Variants in DNAH12 observed in about 807,000 individuals in gnomAD.
The protein encoded by DNAH12 is axonemal beta dynein heavy chain 12.
Under a neutral mutation model 371.5 loss-of-function variants are expected in DNAH12, and 285 were observed. The observed-to-expected ratio is 0.77, with a 90% CI of 0.70 to 0.85. The LOEUF (loss-of-function observed/expected upper bound fraction) is 0.85, where lower values mean the gene tolerates loss of function less well. DNAH12 is among the 40% of genes least tolerant of loss of function. The pLI, the probability that DNAH12 is intolerant of heterozygous loss-of-function variation, is 0.00. For missense variants in DNAH12, 3,611 were observed against 3,689.4 expected, an observed-to-expected ratio of 0.98 and a Z score of 0.55; for synonymous variants, 1,200 against 1,213.0, an observed-to-expected ratio of 0.99 and a Z score of 0.22.
rs1322586725 is a variant in DNAH12 at position 57,544,280 on chromosome 3, G to A, written c.-117C>T. Reference sequence around the variant, plus strand: ...AGAGCCTCTCCTCAGGTGAAAGGCAGGGGGATAACGAGGGAGAAACCTCCG... The same window carrying A: ...AGAGCCTCTCCTCAGGTGAAAGGCAAGGGGATAACGAGGGAGAAACCTCCG... On this transcript the variant is annotated 5_prime_UTR_variant, in exon 1 of 74. Transcript: ENST00000495027. The A allele has an allele frequency of 1.3e-5, 2 of 152,226 alleles. No individual in the cohort carries two copies. The highest frequency in any genetic ancestry group is 4.8e-5 in the African/African-American group (2 of 41,462). 9.4% of individuals were successfully genotyped at this position (152,226 alleles called of 1,614,324 possible).
At chr3:57,332,139 A>G (rs1036232825) in intron 62 of DNAH12, among the ~76,000 whole-genome samples, 4 of 152,198 alleles carry the variant, frequency 2.6e-5, no homozygotes, top group African/African-American at 9.7e-5. Context: ...ATTTGTCATG[A>G]ATAATTTTTT....
chr3:57,318,925 G>T (rs115493822), intron 65 of DNAH12, among the ~76,000 whole-genome samples: 1,651 of 152,100 alleles, frequency 0.011, 24 homozygotes, highest in Middle Eastern at 0.02. Flanking sequence ...GATTTTGATA[G>T]GGATTGCTAA....
rs142763352 is a variant in DNAH12 at position 57,313,178 on chromosome 3, G to A, written c.10662+1316C>T. Among the ~76,000 whole-genome samples, 416 of 152,206 alleles carry A rather than the reference G, an allele frequency of 2.7e-3. 4 individuals are homozygous for A. The South Asian group carries it at 0.047, about 17-fold the overall frequency. ...GCTAAAGCCTACGCCTGTGACCTGG[G>A]CTTGGCTACTCAGATGCGTCCACCT... On this transcript the variant is annotated intron_variant, in intron 66 of 73. Transcript: ENST00000495027.
At chr3:57,369,342 TTAAA>T (rs1371469652) in intron 55 of DNAH12, among the ~76,000 whole-genome samples, 4 of 18,376 alleles carry the variant, frequency 2.2e-4, no homozygotes, top group Non-Finnish European at 4.6e-4. Flanking sequence ...TTATAAATAT[TTAAA>T]TAAATAAATA....
chr3:57,296,941 C>A lies in DNAH12; in HGVS notation c.11438G>T (p.Gly3813Val). 1.3e-6 allele frequency: 2 copies of A among 1,551,602 alleles called. No homozygotes were observed. Among genetic ancestry groups the A allele is most frequent in the Non-Finnish European group, 1.7e-6 (2 of 1,146,976 alleles). ...SGKPCVFWLS[G>V]FFFTQAFLTG... is the part of the protein sequence containing the mutation. ...TAAAAAGGCCTGAGTGAAAAAGAAACCTGACAGCCAAAACACACAAGGTTT... is the reference window on the plus strand; with the variant it reads ...TAAAAAGGCCTGAGTGAAAAAGAAAACTGACAGCCAAAACACACAAGGTTT... The change falls in exon 71 of 74, where the codon GGT (glycine) becomes GTT (valine). Residue 3813 changes from glycine (G) to valine (V), a missense_variant. This residue lies in a region of DNAH12 where 2,266 missense variants were observed against 2,236.9 expected (regional missense o/e 1.01). Coordinates refer to ENST00000495027, the MANE Select transcript of DNAH12 (RefSeq NM_001366028.2).
At chr3:57,382,517 T>G (rs1415443475) in intron 49 of DNAH12, 124 bp from the exon 50 acceptor site, 6 of 151,686 alleles carry the variant, frequency 4.0e-5, no homozygotes, top group African/African-American at 9.7e-5. Flanking sequence ...AATCAAAGTT[T>G]TTTTTTTTTC....
intron 55 of DNAH12, among the ~76,000 whole-genome samples, chr3:57,373,499 T>G (rs2063220217): frequency 7.3e-6 from 1 of 137,310 alleles, no homozygotes; most frequent in South Asian, 2.3e-4. Flanking sequence ...TTTTTTTTTG[T>G]ATTTTCAGTA....
rs1056605971 is a variant in DNAH12, at chr3:57,495,822, A to C, written c.1335+5499T>G. ...TTAATCCTTGATTTTATATATATTT[A>C]TATATTTATATATATTTTAAACAAT... On this transcript the variant is annotated intron_variant, in intron 11 of 73. Coordinates refer to ENST00000495027, the MANE Select transcript of DNAH12 (RefSeq NM_001366028.2). 1.1e-3 allele frequency among the ~76,000 whole-genome samples: 149 copies of C among 141,878 alleles called. 10 individuals are homozygous for C. The highest frequency in any genetic ancestry group is 3.8e-3 in the African/African-American group (145 of 38,346). 93.1% of individuals were successfully genotyped at this position (141,878 alleles called of 152,430 possible).
Position 57,405,874 on chromosome 3 carries a change from G to A in DNAH12, c.6355C>T (p.Arg2119Cys), listed in dbSNP as rs1369385919. The change falls in exon 41 of 74, where the codon CGC (arginine) becomes TGC (cysteine). Residue 2119 changes from arginine (R) to cysteine (C), a missense_variant. By Grantham distance (180) the Arg-to-Cys change is radical. This residue lies in a region of DNAH12 where 2,266 missense variants were observed against 2,236.9 expected (regional missense o/e 1.01). Coordinates refer to ENST00000495027, the MANE Select transcript of DNAH12 (RefSeq NM_001366028.2). ...HYTFNLRDFS[R>C]VIRGCLLIER... ...ATGAGTAAACAGCCCCGGATGACGC[G>A]TGAAAAATCACGCAAGTTGAAAGTA... 10 of 1,551,248 alleles carry A rather than the reference G, an allele frequency of 6.4e-6. No individual in the cohort carries two copies. The highest frequency in any genetic ancestry group is 2.4e-5 in the East Asian group (1 of 40,932).
Position 57,425,092 on chromosome 3 carries a change from A to G in DNAH12, c.5303T>C (p.Leu1768Pro). ...NSNVVVSLTR[L>P]FEVLLCNVVE... ...CACATTGCAAAGTAGCACTTCAAAG[A>G]GGCGTGTGAGAGATACAACCACGTT... Residue 1768 changes from leucine (L) to proline (P), a missense_variant, in exon 35 of 74, where the codon CTC becomes CCC. By Grantham distance (98) the Leu-to-Pro change is moderately conservative. Around this residue, in one of 3 missense-constraint regions of DNAH12, gnomAD observed 2,266 missense variants for 2,236.9 expected, o/e 1.01. Coordinates refer to ENST00000495027, the MANE Select transcript of DNAH12 (RefSeq NM_001366028.2). The G allele has an allele frequency of 1.4e-6, 1 of 702,892 alleles. No individual in the cohort carries two copies. The highest frequency in any genetic ancestry group is 2.6e-6 in the Non-Finnish European group (1 of 384,932). 43.5% of individuals were successfully genotyped at this position (702,892 alleles called of 1,614,324 possible).
intron 30 of DNAH12, among the ~76,000 whole-genome samples, chr3:57,434,191 A>C (rs1306371284): frequency 1.3e-5 from 2 of 152,174 alleles, no homozygotes; most frequent in East Asian, 3.8e-4. Context: ...TTCTTTACCA[A>C]CTATTTCTGG....
Position 57,390,424 on chromosome 3 carries a change from A to T in DNAH12, c.7305+1448T>A, listed in dbSNP as rs1336253252. 2.8e-3 allele frequency among the ~76,000 whole-genome samples: 92 copies of T among 33,410 alleles called. 4 individuals carry two copies. The highest frequency in any genetic ancestry group is 4.6e-3 in the African/African-American group (73 of 15,852). The allele number at this position is 33,410 out of a possible 152,430, so 21.9% of individuals were successfully genotyped here. A position where few individuals can be genotyped will look rare whatever the true frequency, so the allele number is the denominator to read the frequency against. On this transcript the variant is annotated intron_variant, in intron 45 of 73. Coordinates refer to ENST00000495027, the MANE Select transcript of DNAH12 (RefSeq NM_001366028.2). ...ATCCTGTCTCAAAAAAAAAAAAAAA[A>T]ATATATATATATATATATATATATA...
intron 25 of DNAH12, among the ~76,000 whole-genome samples, chr3:57,446,989 AGTGGTTGTGGAG>A (rs1401783119): frequency 1.3e-5 from 2 of 152,208 alleles, no homozygotes; most frequent in African/African-American, 4.8e-5. Context: ...TTTAATTAGA[AGTGGTTGTGGAG>A]ATGGTTGTGG....
intron 11 of DNAH12, among the ~76,000 whole-genome samples, chr3:57,499,647 A>AATATATGTATATATATAT (rs2067453437): frequency 1.7e-4 from 3 of 17,946 alleles, no homozygotes; most frequent in Non-Finnish European, 3.6e-4. Context: ...AAAAAAAAAA[A>AATATATGTATATATATAT]ATATATATAT....
rs1265146346 is a variant in DNAH12 at position 57,371,659 on chromosome 3, C to A, written c.8760-3399G>T. Among the ~76,000 whole-genome samples the A allele has an allele frequency of 6.6e-5, 7 of 106,666 alleles. No homozygotes were observed. In the East Asian group the frequency reaches 1.6e-3, roughly 25 times the overall value. 70.0% of individuals were successfully genotyped at this position (106,666 alleles called of 152,430 possible). Reference sequence around the variant, plus strand: ...CTAGGTGACAAACTGAGACCCCCATCTCAAAACACGCACACACACACACAC... The same window carrying A: ...CTAGGTGACAAACTGAGACCCCCATATCAAAACACGCACACACACACACAC... On this transcript the variant is annotated intron_variant, in intron 55 of 73. Transcript: ENST00000495027.
At chr3:57,302,529 G>GTTTACATATATATATATA (rs879293648) in intron 69 of DNAH12, among the ~76,000 whole-genome samples, 2 of 47,850 alleles carry the variant, frequency 4.2e-5, no homozygotes. Flanking sequence ...GGCATCAGGT[G>GTTTACATATATATATATA]TATATATATA....
At chr3:57,546,170 C>T (rs1408087115), upstream of DNAH12, among the ~76,000 whole-genome samples, 1 of 152,138 alleles carries the variant, frequency 6.6e-6, no homozygotes, top group Admixed American at 6.5e-5. Context: ...GGACGAAGCA[C>T]ATTCCTTCCC....
chr3:57,539,592 A>G (rs1575755371), intron 2 of DNAH12, among the ~76,000 whole-genome samples: 1 of 145,488 alleles, frequency 6.9e-6, no homozygotes, highest in Non-Finnish European at 1.5e-5. Flanking sequence ...TCTCTATCCC[A>G]CTGTCTTATT....
chr3:57,502,672 C>T (rs1422848329), intron 9 of DNAH12, among the ~76,000 whole-genome samples, 193 bp from the exon 10 acceptor site: 1 of 152,174 alleles, frequency 6.6e-6, no homozygotes, highest in South Asian at 2.1e-4. Flanking sequence ...GCCTCAGCCT[C>T]CTGAGTAGCT....
Sources: allele counts gnomAD v4.1 joint callset (sites outside exome capture counted in the v4.1 genomes callset), GRCh38; gene constraint gnomAD v4.1.1; regional missense constraint gnomAD v4.1.1; transcripts MANE v1.5; gene names NCBI Gene and HGNC (gene_info 2026-07-23, HGNC 2026-07-21).